Variants in DSCAM observed in about 807,000 individuals in gnomAD.
DSCAM encodes the protein DS cell adhesion molecule, also known as cell adhesion molecule DSCAM.
In DSCAM, 47 loss-of-function variants were observed where a neutral mutation model predicts 217.7. The ratio of observed to expected loss-of-function variants is 0.22; its 90% CI spans 0.17 to 0.28. The LOEUF (loss-of-function observed/expected upper bound fraction) is 0.28. Among genes scored for constraint, DSCAM ranks in the 10% least tolerant of loss-of-function variants. The pLI, the probability that DSCAM is intolerant of heterozygous loss-of-function variation, is 1.00. For synonymous variants in DSCAM, 1,056 were observed against 1,015.3 expected (o/e 1.04, Z -0.76); for missense variants, 2,080 against 2,618.3 (o/e 0.79, Z 4.49).
intron 11 of DSCAM, among the ~76,000 whole-genome samples, chr21:40,241,011 G>A (rs1427914188): frequency 1.3e-5 from 2 of 152,154 alleles, no homozygotes. Context: ...AGATTTAAAT[G>A]TAAAACCCAA....
In DSCAM at chr21:40,353,758, A is replaced by G; in HGVS notation, c.656-15T>C. 1 of 1,520,694 alleles carries G rather than the reference A, an allele frequency of 6.6e-7. No individual in the cohort carries two copies. Among genetic ancestry groups the G allele is most frequent in the African/African-American group, 1.4e-5 (1 of 71,116 alleles). 94.2% of individuals were successfully genotyped at this position (1,520,694 alleles called of 1,614,324 possible). A position where few individuals can be genotyped will look rare whatever the true frequency, so the allele number is the denominator to read the frequency against. Reference sequence around the variant, plus strand: ...GTTCGCTGGGTCTGTAGAAGAAATAAAAACTCTTAGAGGCAGGAATGAGGA... The same window carrying G: ...GTTCGCTGGGTCTGTAGAAGAAATAGAAACTCTTAGAGGCAGGAATGAGGA... On this transcript the variant is annotated splice_polypyrimidine_tract_variant and intron_variant, in intron 4 of 32. Coordinates refer to ENST00000400454, the MANE Select transcript of DSCAM (RefSeq NM_001389.5).
At chr21:40,367,461 A>G (rs142062250) in intron 4 of DSCAM, among the ~76,000 whole-genome samples, 116 of 152,278 alleles carry the variant, frequency 7.6e-4, no homozygotes, top group African/African-American at 2.7e-3. Context: ...CCAGATGTAC[A>G]TTTTTCAGTA....
Position 40,620,388 on chromosome 21 carries a change from G to A in DSCAM, c.508+72422C>T, listed in dbSNP as rs749877398. ...AGAAAAAGAAAGAAAGAAAGAAAGA[G>A]AAAGAAAGAAAGAAAGGAGGGAGGG... On this transcript the variant is annotated intron_variant, in intron 3 of 32. Transcript: ENST00000400454. 1.3e-3 allele frequency among the ~76,000 whole-genome samples: 88 copies of A among 68,344 alleles called. 2 individuals are homozygous for A. In the South Asian group the frequency reaches 0.015, roughly 12 times the overall value. 44.8% of individuals were successfully genotyped at this position (68,344 alleles called of 152,430 possible).
chr21:40,322,136 C>T (rs1316596536), intron 8 of DSCAM, among the ~76,000 whole-genome samples: 3 of 152,136 alleles, frequency 2.0e-5, no homozygotes, highest in African/African-American at 7.2e-5. Context: ...TCTTCTTTGT[C>T]TCCCTGCTGT....
intron 3 of DSCAM, among the ~76,000 whole-genome samples, chr21:40,667,528 C>G (rs895600779): frequency 2.0e-5 from 3 of 152,172 alleles, no homozygotes; most frequent in Non-Finnish European, 4.4e-5. Flanking sequence ...CGATTTATGC[C>G]TCTTGATATG....
intron 11 of DSCAM, among the ~76,000 whole-genome samples, chr21:40,200,004 G>A (rs1163858957): frequency 7.0e-6 from 1 of 143,090 alleles, no homozygotes; most frequent in Non-Finnish European, 1.5e-5. Flanking sequence ...AATACTTGCT[G>A]TCCTCAGGAT....
At chr21:40,814,353 T>C (rs2091863700) in intron 1 of DSCAM, among the ~76,000 whole-genome samples, 1 of 152,230 alleles carries the variant, frequency 6.6e-6, no homozygotes, top group Non-Finnish European at 1.5e-5. Context: ...TTGCTTACTA[T>C]TGTTGTTCAT....
intron 3 of DSCAM, among the ~76,000 whole-genome samples, chr21:40,618,009 C>T (rs1360879205): frequency 2.6e-5 from 4 of 152,200 alleles, no homozygotes; most frequent in Non-Finnish European, 5.9e-5. Flanking sequence ...TGAAGCCTCA[C>T]GAACCATAGG....
intron 3 of DSCAM, among the ~76,000 whole-genome samples, chr21:40,592,887 A>G (rs1311891116): frequency 1.3e-5 from 2 of 152,232 alleles, no homozygotes; most frequent in African/African-American, 4.8e-5. Flanking sequence ...AGAGTTCAGA[A>G]GAACTCACAA....
chr21:40,284,741 T>C lies in DSCAM; in HGVS notation c.2183-8471A>G, dbSNP rs575248549. Among the ~76,000 whole-genome samples, 5 of 152,324 alleles carry C rather than the reference T, an allele frequency of 3.3e-5. No individual in the cohort carries two copies. The East Asian group carries it at 9.7e-4, about 29-fold the overall frequency. Reference sequence around the variant, plus strand: ...AAGGGCCGCGCAGTTTGTCCACGCTTCAAAGGATTTTGCATGCCCCTAATT... The same window carrying C: ...AAGGGCCGCGCAGTTTGTCCACGCTCCAAAGGATTTTGCATGCCCCTAATT... On this transcript the variant is annotated intron_variant, in intron 10 of 32. Transcript: ENST00000400454.
At chr21:40,682,803 G>GA (rs1568982330) in intron 3 of DSCAM, among the ~76,000 whole-genome samples, 1 of 12,520 alleles carries the variant, frequency 8.0e-5, no homozygotes, top group African/African-American at 2.8e-4. Context: ...GGGAAGGGAA[G>GA]GGAAGGGAAG....
intron 30 of DSCAM, among the ~76,000 whole-genome samples, chr21:40,047,085 T>C (rs1266973291): frequency 1.3e-5 from 2 of 149,704 alleles, no homozygotes; most frequent in African/African-American, 2.5e-5. Flanking sequence ...GTCATGATAT[T>C]AGTTTCCTTA....
rs1377876573 is a variant in DSCAM, at chr21:40,144,599, G to A, written c.3151C>T (p.Leu1051=). ...DTSGDSEVYT[L]DNLNKFTQYG... ...TGAGTGAACTTATTCAGGTTGTCCA[G>A]GGTGTAAACCTCACTGTCCCCGCTG... Residue 1051 remains leucine (L), a synonymous_variant, in exon 17 of 33, where the codon CTG becomes TTG. Transcript: ENST00000400454. The surrounding 1 kb of genome is among the most constrained non-coding windows in gnomAD (Gnocchi z 4.8). 2 of 1,614,180 alleles carry A rather than the reference G, an allele frequency of 1.2e-6. No homozygotes were observed. The highest frequency in any genetic ancestry group is 1.7e-6 in the Non-Finnish European group (2 of 1,180,052).
intron 3 of DSCAM, among the ~76,000 whole-genome samples, chr21:40,449,338 C>T (rs2075701006): frequency 6.6e-6 from 1 of 152,152 alleles, no homozygotes; most frequent in Non-Finnish European, 1.5e-5. Context: ...CATTCTATCA[C>T]AATATTTTTA....
At chr21:40,064,927 T>C (rs1483614532) in intron 27 of DSCAM, among the ~76,000 whole-genome samples, 1 of 152,116 alleles carries the variant, frequency 6.6e-6, no homozygotes, top group Non-Finnish European at 1.5e-5. Flanking sequence ...TGAACTAGCA[T>C]CCACCAGGCA....
chr21:40,525,447 T>C (rs1347773340), intron 3 of DSCAM, among the ~76,000 whole-genome samples: 1 of 152,202 alleles, frequency 6.6e-6, no homozygotes, highest in African/African-American at 2.4e-5. Context: ...CCACGGGGGT[T>C]CATCATACAA....
chr21:40,254,376 T>C (rs2146965604), intron 11 of DSCAM, among the ~76,000 whole-genome samples: 1 of 152,296 alleles, frequency 6.6e-6, no homozygotes, highest in Non-Finnish European at 1.5e-5. Context: ...CAGAACCCGG[T>C]GGAAGGTGGT....
chr21:40,377,952 T>C (rs1238764169), intron 3 of DSCAM, among the ~76,000 whole-genome samples: 1 of 152,222 alleles, frequency 6.6e-6, no homozygotes, highest in Admixed American at 6.5e-5. Flanking sequence ...AACATCCATG[T>C]AAGAACCTGA....
intron 3 of DSCAM, among the ~76,000 whole-genome samples, chr21:40,484,280 T>C (rs150377155): frequency 7.2e-4 from 110 of 152,356 alleles, no homozygotes; most frequent in African/African-American, 2.5e-3. Flanking sequence ...AAATGCCCTA[T>C]CCAGTTCATC....
Sources: allele counts gnomAD v4.1 joint callset (sites outside exome capture counted in the v4.1 genomes callset), GRCh38; gene constraint gnomAD v4.1.1; non-coding constraint Gnocchi (gnomAD v3.1); transcripts MANE v1.5; gene names NCBI Gene and HGNC (gene_info 2026-07-23, HGNC 2026-07-21).